PLCE1: variants seen among roughly 807,000 people sequenced by gnomAD.
PLCE1 encodes the protein 1-phosphatidylinositol 4,5-bisphosphate phosphodiesterase epsilon-1.
In PLCE1, 119 loss-of-function variants were observed where a neutral mutation model predicts 242.8. The observed-to-expected ratio is 0.49, with a 90% confidence interval of 0.42 to 0.57. The LOEUF (loss-of-function observed/expected upper bound fraction) is 0.57. PLCE1 is among the 20% of genes least tolerant of loss of function. The pLI, the probability that PLCE1 is intolerant of heterozygous loss-of-function variation, is 0.00. For missense variants in PLCE1, 2,441 were observed against 2,788.8 expected, an observed-to-expected ratio of 0.88 and a Z score of 2.81; for synonymous variants, 945 against 1,017.4, an observed-to-expected ratio of 0.93 and a Z score of 1.35.
intron 22 of PLCE1, among the ~76,000 whole-genome samples, chr10:94,288,031 G>C (rs1269583166): frequency 2.0e-5 from 3 of 152,100 alleles, no homozygotes; most frequent in African/African-American, 7.2e-5. Flanking sequence ...GTACCTCCTA[G>C]ATACCCAGTT....
chr10:94,325,744 G>A (rs1485569832), intron 32 of PLCE1: 1 of 152,096 alleles, frequency 6.6e-6, no homozygotes, highest in Admixed American at 6.5e-5. Context: ...TATTTCATCA[G>A]ACAACTGTCT....
intron 1 of PLCE1, among the ~76,000 whole-genome samples, chr10:94,000,133 T>C (rs2134168218): frequency 6.6e-6 from 1 of 152,346 alleles, no homozygotes; most frequent in Admixed American, 6.5e-5. Flanking sequence ...ATTTGTCTTA[T>C]ATACTGGGGC....
chr10:94,317,017 G>A lies in PLCE1; in HGVS notation c.6342+261G>A, dbSNP rs183348889. ...TGTAATCTCAGCATTTTGGGAGGCC[G>A]AGGTGGGTGGATCACTTGAGGTCAG... On this transcript the variant is annotated intron_variant, in intron 29 of 32. Coordinates refer to ENST00000371380, the MANE Select transcript of PLCE1 (RefSeq NM_016341.4). Among the ~76,000 whole-genome samples the A allele has an allele frequency of 4.3e-4, 66 of 152,328 alleles. No homozygotes were observed. The East Asian group carries it at 8.7e-3, about 20-fold the overall frequency.
At chr10:94,037,560 A>G (rs1043327597) in intron 2 of PLCE1, among the ~76,000 whole-genome samples, 27 of 152,110 alleles carry the variant, frequency 1.8e-4, no homozygotes, top group African/African-American at 6.3e-4. Context: ...TTCATTACGA[A>G]GGGTAGTGAT....
At chr10:93,998,506 C>G (rs1317410912) in intron 1 of PLCE1, among the ~76,000 whole-genome samples, 2 of 152,106 alleles carry the variant, frequency 1.3e-5, no homozygotes, top group Non-Finnish European at 2.9e-5. Context: ...ATCAAATTTC[C>G]CTGGGGTTTA....
chr10:94,204,036 CATTT>C (rs1564786117), intron 4 of PLCE1, among the ~76,000 whole-genome samples: 1 of 151,972 alleles, frequency 6.6e-6, no homozygotes, highest in African/African-American at 2.4e-5. Flanking sequence ...TTTGTTAACA[CATTT>C]ATTTATGTCT....
intron 2 of PLCE1, among the ~76,000 whole-genome samples, chr10:94,071,947 G>A (rs949480443): frequency 6.6e-6 from 1 of 152,058 alleles, no homozygotes; most frequent in African/African-American, 2.4e-5. Flanking sequence ...TTGAGGAGCT[G>A]AAAAACCCTG....
chr10:94,162,127 T>C (rs994456048), intron 3 of PLCE1, among the ~76,000 whole-genome samples: 2 of 152,222 alleles, frequency 1.3e-5, no homozygotes, highest in Non-Finnish European at 2.9e-5. Context: ...GTTTTTTTGT[T>C]GTGTCTCTGC....
intron 2 of PLCE1, among the ~76,000 whole-genome samples, chr10:94,119,367 A>C (rs757695198): frequency 6.6e-6 from 1 of 152,260 alleles, no homozygotes; most frequent in East Asian, 1.9e-4. Flanking sequence ...AGCTGTATGC[A>C]TGTCCATATA....
chr10:94,300,570 G>C (rs79913937), intron 24 of PLCE1, among the ~76,000 whole-genome samples: 3,389 of 152,246 alleles, frequency 0.022, 34 homozygotes, highest in South Asian at 0.041. Flanking sequence ...CTGTAAAAAT[G>C]GTCTTCATTT....
chr10:94,329,865 C>A lies in PLCE1; in HGVS notation c.*1922C>A, dbSNP rs1317719176. ...TTCTTACTGGGTCAAAGCCTTAAGGCTAGAACTACCATTTTCTTGTCAACA... is the reference window on the plus strand; with the variant it reads ...TTCTTACTGGGTCAAAGCCTTAAGGATAGAACTACCATTTTCTTGTCAACA... On this transcript the variant is annotated 3_prime_UTR_variant, in exon 33 of 33. Coordinates refer to ENST00000371380, the MANE Select transcript of PLCE1 (RefSeq NM_016341.4). 7.0e-6 allele frequency: 1 copy of A among 143,232 alleles called. No individual in the cohort carries two copies. Among genetic ancestry groups the A allele is most frequent in the Non-Finnish European group, 1.5e-5 (1 of 66,498 alleles). 8.9% of individuals were successfully genotyped at this position (143,232 alleles called of 1,614,324 possible).
At chr10:94,309,055 T>A (rs564506406) in intron 27 of PLCE1, among the ~76,000 whole-genome samples, 32 of 152,314 alleles carry the variant, frequency 2.1e-4, no homozygotes, top group African/African-American at 7.2e-4. Flanking sequence ...AAGCCAAATA[T>A]AACAAAGTGA....
chr10:94,044,639 G>A (rs923053898), intron 2 of PLCE1, among the ~76,000 whole-genome samples: 4 of 152,206 alleles, frequency 2.6e-5, no homozygotes, highest in African/African-American at 9.6e-5. Flanking sequence ...TTTGGACTGA[G>A]CCTCATGGGC....
Position 94,204,624 on chromosome 10 carries a change from G to A in PLCE1, c.1810-22682G>A, listed in dbSNP as rs567140517. Among the ~76,000 whole-genome samples the A allele has an allele frequency of 3.0e-4, 46 of 151,970 alleles. No homozygotes were observed. In the East Asian group the frequency reaches 3.5e-3, roughly 12 times the overall value. ...GGAGGTTACAGTGAGCCAAGATCAC[G>A]CCACTGCACTTCAGCCTGGGTGACA... On this transcript the variant is annotated intron_variant, in intron 4 of 32. Transcript: ENST00000371380.
At chr10:94,024,349 C>T (rs1410622431) in intron 1 of PLCE1, among the ~76,000 whole-genome samples, 3 of 152,074 alleles carry the variant, frequency 2.0e-5, no homozygotes, top group South Asian at 4.1e-4. Context: ...GTCTCTTTTC[C>T]GTGATGGTGA....
intron 23 of PLCE1, among the ~76,000 whole-genome samples, chr10:94,297,802 G>A (rs1490974034): frequency 6.6e-6 from 1 of 151,926 alleles, no homozygotes; most frequent in Non-Finnish European, 1.5e-5. Context: ...TGGATATACT[G>A]TCATTTATGG....
chr10:94,077,034 A>G (rs1405588432), intron 2 of PLCE1, among the ~76,000 whole-genome samples: 1 of 152,216 alleles, frequency 6.6e-6, no homozygotes, highest in African/African-American at 2.4e-5. Flanking sequence ...TTTTTTGCAT[A>G]CCTATCCAGA....
chr10:94,324,623 A>C, intron 31 of PLCE1, 56 bp downstream of exon 31: 1 of 1,349,146 alleles, frequency 7.4e-7, no homozygotes, highest in Non-Finnish European at 1.1e-6. Flanking sequence ...CCATAATTAC[A>C]CTGTAGCCAG....
rs754933489 is a variant in PLCE1 at position 94,032,187 on chromosome 10, C to T, written c.1141C>T (p.Pro381Ser). ...PLLPCGRVME[P>S]PSTVEIRQDG... Reference sequence around the variant, plus strand: ...ACTGCCTTGTGGGAGAGTAATGGAACCCCCGTCAACAGTGGAGATAAGGCA... The same window carrying T: ...ACTGCCTTGTGGGAGAGTAATGGAATCCCCGTCAACAGTGGAGATAAGGCA... Residue 381 changes from proline to serine, a missense_variant, in exon 2 of 33, where the codon CCC becomes TCC. Physicochemically the swap from Pro to Ser is moderately conservative, Grantham distance 74. Transcript: ENST00000371380. 3.1e-6 allele frequency: 5 copies of T among 1,611,830 alleles called. No individual in the cohort carries two copies. The highest frequency in any genetic ancestry group is 2.2e-5 in the East Asian group (1 of 44,850).
Sources: allele counts gnomAD v4.1 joint callset (sites outside exome capture counted in the v4.1 genomes callset), GRCh38; gene constraint gnomAD v4.1.1; transcripts MANE v1.5; gene names NCBI Gene and HGNC (gene_info 2026-07-23, HGNC 2026-07-21).